ROCK1: variants seen among roughly 807,000 people sequenced by gnomAD.
ROCK1 encodes the protein Rho associated coiled-coil containing protein kinase 1.
Under a neutral mutation model 196.8 loss-of-function variants are expected in ROCK1, and 36 were observed. The observed-to-expected ratio is 0.18, with a 90% confidence interval of 0.14 to 0.24. ROCK1 has a LOEUF of 0.24. Ranked by LOEUF, ROCK1 falls within the 10% of genes least tolerant of loss-of-function variation. ROCK1 has a pLI of 1.00. For missense variants in ROCK1, 920 were observed against 1,562.0 expected (o/e 0.59, Z 6.93); for synonymous variants, 443 against 515.9 (o/e 0.86, Z 1.91).
intron 23 of ROCK1, 193 bp downstream of exon 23, chr18:20,970,155 T>A (rs2035412702): frequency 6.4e-6 from 3 of 471,664 alleles, no homozygotes; most frequent in Non-Finnish European, 1.1e-5. Context: ...AAGCCCAATA[T>A]CTTGAACAAG....
intron 1 of ROCK1, among the ~76,000 whole-genome samples, chr18:21,086,147 T>TGTCGCCC (rs2036525358): frequency 6.6e-6 from 1 of 150,578 alleles, no homozygotes; most frequent in Admixed American, 6.6e-5. Context: ...AGTCTCACTC[T>TGTCGCCC]GTCGCCCAGG....
At chr18:21,110,208 T>C (rs1178797252) in intron 1 of ROCK1, among the ~76,000 whole-genome samples, 2 of 152,220 alleles carry the variant, frequency 1.3e-5, no homozygotes, top group Non-Finnish European at 2.9e-5. Context: ...TACGTACTTT[T>C]GTAACCAATA....
At chr18:21,061,031 C>T (rs1340933920) in intron 2 of ROCK1, among the ~76,000 whole-genome samples, 2 of 151,066 alleles carry the variant, frequency 1.3e-5, no homozygotes, top group South Asian at 2.1e-4. Context: ...AAGGAAAAAG[C>T]AACTACTTCA....
chr18:21,109,064 A>T (rs1179238579), intron 1 of ROCK1, among the ~76,000 whole-genome samples: 1 of 152,216 alleles, frequency 6.6e-6, no homozygotes, highest in Non-Finnish European at 1.5e-5. Flanking sequence ...CATCCATTAT[A>T]AAACATACTT....
intron 2 of ROCK1, among the ~76,000 whole-genome samples, chr18:21,065,885 A>C (rs1336018070): frequency 1.3e-5 from 2 of 151,426 alleles, no homozygotes; most frequent in Non-Finnish European, 2.9e-5. Context: ...TCTTAACACA[A>C]AGAGATAAAA....
intron 17 of ROCK1, 114 bp from the exon 18 acceptor site, chr18:20,991,440 T>A: frequency 7.3e-6 from 5 of 683,940 alleles, no homozygotes; most frequent in Non-Finnish European, 1.2e-5. Context: ...AAAATCACAA[T>A]AAACACATAT....
rs887632332 is a variant in ROCK1, at chr18:20,950,161, T to C, written c.*1223A>G. ...TACTGGACAAGAGTTTAACAGTATTTATCTGGTAATTCCTATGTTAACTGG... is the reference window on the plus strand; with the variant it reads ...TACTGGACAAGAGTTTAACAGTATTCATCTGGTAATTCCTATGTTAACTGG... On this transcript the variant is annotated 3_prime_UTR_variant, in exon 33 of 33. Coordinates refer to ENST00000399799, the MANE Select transcript of ROCK1 (RefSeq NM_005406.3). The C allele has an allele frequency of 2.6e-5, 4 of 152,662 alleles. No individual in the cohort carries two copies. The highest frequency in any genetic ancestry group is 4.8e-5 in the African/African-American group (2 of 41,456). The allele number at this position is 152,662 out of a possible 1,614,324, so 9.5% of individuals were successfully genotyped here.
At chr18:21,056,236 T>C (rs2143527905) in intron 2 of ROCK1, among the ~76,000 whole-genome samples, 1 of 152,292 alleles carries the variant, frequency 6.6e-6, no homozygotes, top group Admixed American at 6.5e-5. Context: ...AGTCTACATG[T>C]CTCTCTTAAA....
intron 26 of ROCK1, 110 bp downstream of exon 26, chr18:20,967,641 AC>A (rs2035386642): frequency 2.4e-6 from 2 of 827,170 alleles, no homozygotes; most frequent in African/African-American, 1.7e-5. Flanking sequence ...AACAGGCAGA[AC>A]CCTTGATTGT....
chr18:21,087,636 A>AC (rs2036538266), intron 1 of ROCK1, among the ~76,000 whole-genome samples: 1 of 152,312 alleles, frequency 6.6e-6, no homozygotes, highest in African/African-American at 2.4e-5. Context: ...AATAATCTGA[A>AC]CCATGTACGC....
chr18:20,999,553 G>C (rs1466785223), intron 16 of ROCK1, among the ~76,000 whole-genome samples: 1 of 151,990 alleles, frequency 6.6e-6, no homozygotes, highest in Non-Finnish European at 1.5e-5. Flanking sequence ...TTCCCTTTAA[G>C]AGCATCAAAA....
Position 21,063,558 on chromosome 18 carries a change from G to A in ROCK1, c.175+6974C>T, listed in dbSNP as rs549684040. Reference sequence around the variant, plus strand: ...AGCTGATGTGTAAGGAAACAAGGAGGAGAGGTGTACAGTTAAGAATGTAAT... The same window carrying A: ...AGCTGATGTGTAAGGAAACAAGGAGAAGAGGTGTACAGTTAAGAATGTAAT... On this transcript the variant is annotated intron_variant, in intron 2 of 32. Coordinates refer to ENST00000399799, the MANE Select transcript of ROCK1 (RefSeq NM_005406.3). Among the ~76,000 whole-genome samples the A allele has an allele frequency of 2.6e-5, 4 of 152,224 alleles. No homozygotes were observed. In the South Asian group the frequency reaches 8.3e-4, roughly 32 times the overall value.
At chr18:20,995,773 T>C (rs1383796194) in intron 16 of ROCK1, among the ~76,000 whole-genome samples, 1 of 152,172 alleles carries the variant, frequency 6.6e-6, no homozygotes, top group African/African-American at 2.4e-5. Context: ...CAGATAATTC[T>C]TCCACATCTT....
At chr18:20,994,022 T>A (rs550496380) in intron 16 of ROCK1, among the ~76,000 whole-genome samples, 3 of 152,316 alleles carry the variant, frequency 2.0e-5, no homozygotes, top group African/African-American at 7.2e-5. Flanking sequence ...ACCTCCCATA[T>A]TTCAGGGTTT....
intron 3 of ROCK1, among the ~76,000 whole-genome samples, chr18:21,049,570 A>C (rs182283508): frequency 6.6e-6 from 1 of 152,300 alleles, no homozygotes; most frequent in Admixed American, 6.5e-5. Context: ...GATGCCTGAC[A>C]CTTCTTTTCT....
intron 5 of ROCK1, among the ~76,000 whole-genome samples, chr18:21,044,492 C>T (rs1459166316): frequency 1.3e-5 from 2 of 151,994 alleles, no homozygotes; most frequent in Non-Finnish European, 2.9e-5. Context: ...GTGATTGAAA[C>T]ATATTAGATA....
At chr18:21,077,825 T>C (rs967119520) in intron 1 of ROCK1, among the ~76,000 whole-genome samples, 2 of 152,086 alleles carry the variant, frequency 1.3e-5, no homozygotes, top group Non-Finnish European at 2.9e-5. Flanking sequence ...GACTGAGAGG[T>C]GGTTCTCTTT....
chr18:21,059,380 T>C (rs999451255), intron 2 of ROCK1, among the ~76,000 whole-genome samples: 2 of 152,212 alleles, frequency 1.3e-5, no homozygotes, highest in African/African-American at 4.8e-5. Flanking sequence ...TATTTCCCTA[T>C]ATTTCACCTA....
chr18:20,959,475 G>C (rs1415510167), intron 29 of ROCK1, among the ~76,000 whole-genome samples: 1 of 151,356 alleles, frequency 6.6e-6, no homozygotes, highest in African/African-American at 2.4e-5. Flanking sequence ...ACCTCCCAAA[G>C]TGCTGGGGTT....
Sources: gnomAD v4.1 joint callset for allele counts (sites outside exome capture counted in the v4.1 genomes callset) on GRCh38, gnomAD v4.1.1 for gene constraint, MANE v1.5 for transcripts, NCBI Gene and HGNC (gene_info 2026-07-23, HGNC 2026-07-21) for gene names.